Variants in RARB observed in about 807,000 individuals in gnomAD.
RARB encodes retinoic acid receptor beta, also known as HBV-activated protein.
Under a neutral mutation model 51.9 loss-of-function variants are expected in RARB, and 17 were observed. That is an observed-to-expected ratio of 0.33 (90% CI 0.22 to 0.49). The LOEUF (loss-of-function observed/expected upper bound fraction) is 0.49. RARB is among the 20% of genes least tolerant of loss of function. The pLI is 0.99. For synonymous variants in RARB, 215 were observed against 195.4 expected, an observed-to-expected ratio of 1.10 and a Z score of -0.84; for missense variants, 369 against 550.8, an observed-to-expected ratio of 0.67 and a Z score of 3.30.
intron 5 of RARB, among the ~76,000 whole-genome samples, chr3:25,271,523 A>T (rs573689366): frequency 6.6e-6 from 1 of 152,178 alleles, no homozygotes; most frequent in Non-Finnish European, 1.5e-5. Flanking sequence ...GAATGAGTTG[A>T]TATTGGCATA....
At chr3:25,013,934 A>G (rs1697452813) in intron 2 of RARB, among the ~76,000 whole-genome samples, 1 of 152,138 alleles carries the variant, frequency 6.6e-6, no homozygotes, top group Non-Finnish European at 1.5e-5. Flanking sequence ...GTCGGATAGT[A>G]TTAGCTTCAG....
chr3:25,524,117 G>A (rs767508300), intron 3 of RARB, among the ~76,000 whole-genome samples: 15 of 152,178 alleles, frequency 9.9e-5, no homozygotes, highest in Non-Finnish European at 1.8e-4. Flanking sequence ...AATTCTTGAA[G>A]TATCCAAGAA....
intron 2 of RARB, among the ~76,000 whole-genome samples, chr3:24,898,703 C>A (rs932673827): frequency 6.6e-6 from 1 of 152,096 alleles, no homozygotes; most frequent in African/African-American, 2.4e-5. Flanking sequence ...TCTAGAAATT[C>A]CCCCTTCCCC....
At chr3:25,142,719 ATGC>A (rs1700128444) in intron 4 of RARB, among the ~76,000 whole-genome samples, 1 of 152,100 alleles carries the variant, frequency 6.6e-6, no homozygotes, top group Non-Finnish European at 1.5e-5. Flanking sequence ...TGAAGGGGAA[ATGC>A]TGCCTCCCAG....
intron 2 of RARB, among the ~76,000 whole-genome samples, chr3:24,965,326 G>A (rs959041257): frequency 1.3e-5 from 2 of 152,148 alleles, no homozygotes; most frequent in African/African-American, 4.8e-5. Flanking sequence ...GAACAAAAAT[G>A]TCAAAATATT....
At chr3:24,987,626 G>C (rs1696822665) in intron 2 of RARB, among the ~76,000 whole-genome samples, 1 of 152,186 alleles carries the variant, frequency 6.6e-6, no homozygotes, top group South Asian at 2.1e-4. Context: ...CACCACTAAT[G>C]GCCCGGTTTT....
At position 24,855,807 on chromosome 3, in the gene RARB, A is replaced by C. The variant is rs190295102; in HGVS notation, c.-458-2867A>C. Among the ~76,000 whole-genome samples the C allele has an allele frequency of 9.8e-3, 1,344 of 137,340 alleles. 18 individuals carry two copies. The highest frequency in any genetic ancestry group is 0.037 in the African/African-American group (1,270 of 34,722). 90.1% of individuals were successfully genotyped at this position (137,340 alleles called of 152,430 possible). ...CTGTCGCCCAGGCTGGATGGAGTGCAGTGGCACGATCTTGGCTCACTGCAA... is the reference window on the plus strand; with the variant it reads ...CTGTCGCCCAGGCTGGATGGAGTGCCGTGGCACGATCTTGGCTCACTGCAA... On this transcript the variant is annotated intron_variant, in intron 1 of 11. Transcript: ENST00000383772.
At chr3:25,045,386 A>C (rs1393101139) in intron 2 of RARB, among the ~76,000 whole-genome samples, 1 of 152,182 alleles carries the variant, frequency 6.6e-6, no homozygotes, top group Admixed American at 6.5e-5. Context: ...GGCCCTTCCG[A>C]GAGAGAAAGC....
At chr3:25,438,392 G>A (rs900047210) in intron 1 of RARB, among the ~76,000 whole-genome samples, 3 of 152,124 alleles carry the variant, frequency 2.0e-5, no homozygotes, top group East Asian at 1.9e-4. Context: ...CATAACAATC[G>A]TAGCGTATAT....
At chr3:25,489,555 T>C (rs1696626722) in intron 2 of RARB, among the ~76,000 whole-genome samples, 1 of 152,276 alleles carries the variant, frequency 6.6e-6, no homozygotes, top group Non-Finnish European at 1.5e-5. Context: ...GTTACATCCC[T>C]GCCTGCAAAG....
chr3:25,150,597 C>T (rs1261291860), intron 4 of RARB, among the ~76,000 whole-genome samples: 2 of 152,144 alleles, frequency 1.3e-5, no homozygotes. Context: ...TTTAAGAAAT[C>T]CAGCCTACTT....
intron 5 of RARB, among the ~76,000 whole-genome samples, chr3:25,271,037 C>T (rs528444383): frequency 1.6e-5 from 2 of 124,864 alleles, no homozygotes; most frequent in Middle Eastern, 8.3e-3. Context: ...ATTCCAGCTT[C>T]TAGTGAAATA....
chr3:25,538,436 A>T (rs1699232566), intron 3 of RARB, among the ~76,000 whole-genome samples: 3 of 152,124 alleles, frequency 2.0e-5, no homozygotes, highest in Non-Finnish European at 4.4e-5. Context: ...TGTGATTTTT[A>T]AAATGTATTA....
At chr3:25,314,618 CT>C (rs1280683933) in intron 5 of RARB, among the ~76,000 whole-genome samples, 11 of 152,036 alleles carry the variant, frequency 7.2e-5, no homozygotes, top group Admixed American at 1.3e-4. Flanking sequence ...CAACAAAAAC[CT>C]TTTTTTTCCT....
At chr3:25,204,665 T>A (rs1232648748) in intron 5 of RARB, among the ~76,000 whole-genome samples, 1 of 152,216 alleles carries the variant, frequency 6.6e-6, no homozygotes, top group African/African-American at 2.4e-5. Context: ...CAGCTGCAGG[T>A]CTGTTGGAGT....
intron 4 of RARB, among the ~76,000 whole-genome samples, chr3:25,159,412 A>ACCCG (rs1700438160): frequency 7.1e-6 from 1 of 141,748 alleles, no homozygotes; most frequent in Admixed American, 7.0e-5. Flanking sequence ...CAGATGATCC[A>ACCCG]CCCCCCCCGC....
chr3:25,117,888 A>G (rs1408017424), intron 3 of RARB, among the ~76,000 whole-genome samples: 3 of 152,218 alleles, frequency 2.0e-5, no homozygotes, highest in African/African-American at 7.2e-5. Context: ...AAAAGAAGAT[A>G]TAATCAATAA....
intron 2 of RARB, among the ~76,000 whole-genome samples, chr3:25,492,686 A>G (rs1696799042): frequency 6.6e-6 from 1 of 151,506 alleles, no homozygotes; most frequent in African/African-American, 2.4e-5. Flanking sequence ...TACAGTGATG[A>G]TGTTTTGCTA....
At chr3:25,354,839 G>A (rs1031290168) in intron 5 of RARB, among the ~76,000 whole-genome samples, 15 of 151,858 alleles carry the variant, frequency 9.9e-5, no homozygotes, top group Non-Finnish European at 2.2e-4. Context: ...TCATGAACTG[G>A]GAAAAGGAGG....
Sources: allele counts gnomAD v4.1 joint callset (sites outside exome capture counted in the v4.1 genomes callset), GRCh38; gene constraint gnomAD v4.1.1; transcripts MANE v1.5; gene names NCBI Gene and HGNC (gene_info 2026-07-23, HGNC 2026-07-21).